RORA: variants seen among roughly 807,000 people sequenced by gnomAD.
RORA encodes nuclear receptor ROR-alpha.
Under a neutral mutation model 69.5 loss-of-function variants are expected in RORA, and 7 were observed. The ratio of observed to expected loss-of-function variants is 0.10; its 90% CI spans 0.06 to 0.19. The LOEUF (loss-of-function observed/expected upper bound fraction) is 0.19, where lower values mean the gene tolerates loss of function less well. Ranked by LOEUF, RORA falls within the 10% of genes least tolerant of loss-of-function variation. The pLI is 1.00. For missense variants in RORA, 457 were observed against 663.0 expected, an observed-to-expected ratio of 0.69 and a Z score of 3.41; for synonymous variants, 261 against 240.8, an observed-to-expected ratio of 1.08 and a Z score of -0.78.
intron 1 of RORA, among the ~76,000 whole-genome samples, chr15:61,212,515 T>G (rs2080002498): frequency 6.6e-6 from 1 of 152,188 alleles, no homozygotes; most frequent in African/African-American, 2.4e-5. Flanking sequence ...TTCTCCTGCC[T>G]CAGCCTCCCA....
intron 1 of RORA, among the ~76,000 whole-genome samples, chr15:61,074,886 A>C (rs1036705608): frequency 1.9e-4 from 29 of 152,082 alleles, no homozygotes; most frequent in African/African-American, 7.0e-4. Flanking sequence ...CACGAGTTTG[A>C]GTCCAGCCTG....
intron 2 of RORA, among the ~76,000 whole-genome samples, chr15:60,649,453 G>A (rs887080982): frequency 6.6e-6 from 1 of 152,168 alleles, no homozygotes; most frequent in South Asian, 2.1e-4. Flanking sequence ...CACTGTATGT[G>A]TATCTGAAAA....
intron 1 of RORA, among the ~76,000 whole-genome samples, chr15:60,711,547 T>C (rs2071144260): frequency 6.6e-6 from 1 of 152,200 alleles, no homozygotes. Context: ...ACTCACACTG[T>C]GAACCAGAAG....
chr15:60,776,410 C>T (rs934590751), intron 1 of RORA, among the ~76,000 whole-genome samples: 14 of 152,260 alleles, frequency 9.2e-5, no homozygotes, highest in East Asian at 1.9e-4. Context: ...CATTTAAAGA[C>T]GCAAAAGGCT....
intron 1 of RORA, among the ~76,000 whole-genome samples, chr15:60,710,145 C>T (rs2071123184): frequency 6.6e-6 from 1 of 152,158 alleles, no homozygotes; most frequent in Non-Finnish European, 1.5e-5. Flanking sequence ...CTGGACAAAG[C>T]CCTATCTTGC....
chr15:60,716,945 C>T (rs2071228869), intron 1 of RORA, among the ~76,000 whole-genome samples: 1 of 152,164 alleles, frequency 6.6e-6, no homozygotes, highest in Admixed American at 6.5e-5. Flanking sequence ...ACATGTTTTC[C>T]TGAGTTCTTT....
At position 61,132,280 on chromosome 15, in the gene RORA, G is replaced by GT. The variant is rs147318407; in HGVS notation, c.166+96772dup. ...TACATGTCAACAGGAAAATTATTAG[G>GT]TTTTTTTTTTATCTTAACGGATGTT... On this transcript the variant is annotated intron_variant, in intron 1 of 10. Transcript: ENST00000335670. Among the ~76,000 whole-genome samples the GT allele has an allele frequency of 5.7e-3, 856 of 148,968 alleles. 6 individuals are homozygous for GT. The highest frequency in any genetic ancestry group is 0.02 in the African/African-American group (807 of 40,694).
intron 1 of RORA, among the ~76,000 whole-genome samples, chr15:61,187,132 G>T (rs1038024675): frequency 6.6e-6 from 1 of 152,246 alleles, no homozygotes; most frequent in African/African-American, 2.4e-5. Context: ...AGGCTGCCAG[G>T]TTTAAGAAGT....
chr15:61,088,657 C>T (rs2078659955), intron 1 of RORA, among the ~76,000 whole-genome samples: 1 of 152,052 alleles, frequency 6.6e-6, no homozygotes, highest in Non-Finnish European at 1.5e-5. Context: ...AGGATTAATA[C>T]GAAGGTGAAG....
chr15:61,025,997 C>T (rs766328059), intron 1 of RORA, among the ~76,000 whole-genome samples: 2 of 152,096 alleles, frequency 1.3e-5, no homozygotes, highest in Non-Finnish European at 2.9e-5. Flanking sequence ...AACATAACAT[C>T]CTAAAAATAA....
intron 2 of RORA, chr15:60,592,366 C>G (rs1277241996): frequency 1.1e-5 from 16 of 1,409,764 alleles, no homozygotes; most frequent in Non-Finnish European, 1.4e-5. Flanking sequence ...CACCCGGCCC[C>G]GGCGGGGCGC....
chr15:60,589,902 A>C (rs76241571), intron 2 of RORA, among the ~76,000 whole-genome samples: 2,848 of 152,266 alleles, frequency 0.019, 80 homozygotes, highest in African/African-American at 0.063. Context: ...TTGCACGAAA[A>C]ATCTAGTTAT....
At chr15:60,840,682 G>A (rs929926206) in intron 1 of RORA, among the ~76,000 whole-genome samples, 2 of 152,246 alleles carry the variant, frequency 1.3e-5, no homozygotes, top group Non-Finnish European at 2.9e-5. Context: ...GAGCGAATGA[G>A]CTCTGTGTTC....
chr15:60,623,147 TAC>T (rs1035630888), intron 2 of RORA, among the ~76,000 whole-genome samples: 4 of 152,184 alleles, frequency 2.6e-5, no homozygotes, highest in Admixed American at 2.0e-4. Context: ...CCTTGAAATT[TAC>T]AGTGTAAAAG....
chr15:60,825,201 G>T (rs1048837057), intron 1 of RORA, among the ~76,000 whole-genome samples: 3 of 152,182 alleles, frequency 2.0e-5, no homozygotes, highest in African/African-American at 7.2e-5. Flanking sequence ...AGAAGAAAGT[G>T]TAGTGGAGAT....
At chr15:61,223,573 C>G (rs1412141197) in intron 1 of RORA, among the ~76,000 whole-genome samples, 1 of 152,086 alleles carries the variant, frequency 6.6e-6, no homozygotes, top group Non-Finnish European at 1.5e-5. Flanking sequence ...TAGATTTAGT[C>G]CAATCTCTGA....
At chr15:61,207,271 C>A (rs188871866) in intron 1 of RORA, among the ~76,000 whole-genome samples, 2 of 152,176 alleles carry the variant, frequency 1.3e-5, no homozygotes, top group Non-Finnish European at 2.9e-5. Flanking sequence ...ATGGAATAGA[C>A]TTTCTCCTTC....
intron 1 of RORA, among the ~76,000 whole-genome samples, chr15:60,863,385 A>C (rs1240788592): frequency 1.3e-5 from 2 of 152,200 alleles, no homozygotes; most frequent in African/African-American, 4.8e-5. Context: ...TTGTGGTCTT[A>C]ATAGGTATTT....
chr15:61,099,435 C>CATTACCTCCCT (rs1189890803), intron 1 of RORA, among the ~76,000 whole-genome samples: 1 of 152,198 alleles, frequency 6.6e-6, no homozygotes, highest in East Asian at 1.9e-4. Context: ...TTCCTTGGAA[C>CATTACCTCCCT]ATTACCTCCC....
Sources: gnomAD v4.1 joint callset for allele counts (sites outside exome capture counted in the v4.1 genomes callset) on GRCh38, gnomAD v4.1.1 for gene constraint, MANE v1.5 for transcripts, NCBI Gene and HGNC (gene_info 2026-07-23, HGNC 2026-07-21) for gene names.